ASIC2: variants seen among roughly 807,000 people sequenced by gnomAD.
ASIC2 encodes acid-sensing ion channel 2.
A neutral mutation model predicts 57.3 loss-of-function variants in ASIC2; 25 were observed. That is an observed-to-expected ratio of 0.44 (90% CI 0.32 to 0.61). The LOEUF is 0.61. Among genes scored for constraint, ASIC2 ranks in the 20% least tolerant of loss-of-function variants. ASIC2 has a pLI of 0.06. For synonymous variants in ASIC2, 319 were observed against 307.5 expected, an observed-to-expected ratio of 1.04 and a Z score of -0.39; for missense variants, 641 against 738.1, an observed-to-expected ratio of 0.87 and a Z score of 1.52.
intron 1 of ASIC2, among the ~76,000 whole-genome samples, chr17:33,245,996 G>A (rs1274397930): frequency 6.6e-6 from 1 of 151,040 alleles, no homozygotes; most frequent in Admixed American, 6.6e-5. Flanking sequence ...TCAACTGTCT[G>A]GGCAACATAG....
At chr17:33,989,697 G>T (rs1053388226) in intron 1 of ASIC2, among the ~76,000 whole-genome samples, 1 of 152,154 alleles carries the variant, frequency 6.6e-6, no homozygotes, top group African/African-American at 2.4e-5. Context: ...AGACTCAAAT[G>T]ACACTGTTGT....
At chr17:33,129,155 C>T (rs1461089891) in intron 1 of ASIC2, among the ~76,000 whole-genome samples, 1 of 152,230 alleles carries the variant, frequency 6.6e-6, no homozygotes, top group Non-Finnish European at 1.5e-5. Flanking sequence ...CTGTGTGGCC[C>T]TGCCCTATAG....
chr17:33,577,141 CAGTT>C (rs980070317), intron 1 of ASIC2, among the ~76,000 whole-genome samples: 5 of 152,142 alleles, frequency 3.3e-5, no homozygotes, highest in African/African-American at 4.8e-5. Context: ...ATGTTGAAGA[CAGTT>C]AGCCCTCTCT....
intron 1 of ASIC2, among the ~76,000 whole-genome samples, chr17:33,868,942 G>A (rs1223195843): frequency 2.6e-5 from 4 of 152,130 alleles, no homozygotes; most frequent in African/African-American, 9.7e-5. Context: ...GTGCATGCCT[G>A]TAGTCCCAGC....
chr17:33,789,504 G>A (rs933165702), intron 1 of ASIC2, among the ~76,000 whole-genome samples: 3 of 111,838 alleles, frequency 2.7e-5, no homozygotes, highest in South Asian at 3.1e-4. Flanking sequence ...ACACACACAC[G>A]TGCAGCATTT....
intron 1 of ASIC2, among the ~76,000 whole-genome samples, chr17:33,228,188 G>A (rs1353795331): frequency 6.6e-6 from 1 of 152,178 alleles, no homozygotes; most frequent in Non-Finnish European, 1.5e-5. Flanking sequence ...CAGATAGAAC[G>A]AGAGCTTAAT....
At chr17:33,603,342 C>T (rs1471358843) in intron 1 of ASIC2, among the ~76,000 whole-genome samples, 1 of 152,178 alleles carries the variant, frequency 6.6e-6, no homozygotes, top group Non-Finnish European at 1.5e-5. Flanking sequence ...GTGGCATGTG[C>T]TTACACACTG....
At chr17:33,815,177 C>A (rs1414847) in intron 1 of ASIC2, among the ~76,000 whole-genome samples, 39,995 of 152,012 alleles carry the variant, frequency 0.26, 7,565 homozygotes, top group African/African-American at 0.54. Flanking sequence ...CTTTAAATTT[C>A]TCAGTTTCCC....
Position 33,667,907 on chromosome 17 carries a change from C to G in ASIC2, c.555+488071G>C, listed in dbSNP as rs190469343. On this transcript the variant is annotated intron_variant, in intron 1 of 9. Coordinates refer to the ASIC2 transcript ENST00000359872. ...TTAAGGAAACCAAATGGCCTGTTGCCACACACAACCTCGTGACCATTATCG... is the reference window on the plus strand; with the variant it reads ...TTAAGGAAACCAAATGGCCTGTTGCGACACACAACCTCGTGACCATTATCG... Among the ~76,000 whole-genome samples, 1,459 of 152,248 alleles carry G rather than the reference C, an allele frequency of 9.6e-3. 25 individuals are homozygous for G. Among genetic ancestry groups the G allele is most frequent in the African/African-American group, 0.034 (1,413 of 41,524 alleles).
intron 1 of ASIC2, among the ~76,000 whole-genome samples, chr17:33,169,064 C>T (rs1905408984): frequency 6.6e-6 from 1 of 152,178 alleles, no homozygotes; most frequent in African/African-American, 2.4e-5. Context: ...GGGCGCTGTC[C>T]ATGGGTTCAC....
intron 1 of ASIC2, among the ~76,000 whole-genome samples, chr17:33,180,399 C>A (rs142675721): frequency 1.3e-5 from 2 of 152,184 alleles, no homozygotes; most frequent in African/African-American, 4.8e-5. Flanking sequence ...GCAGGAGGAG[C>A]GCCTTGTACT....
intron 1 of ASIC2, among the ~76,000 whole-genome samples, chr17:33,481,575 T>A (rs1913406044): frequency 6.6e-6 from 1 of 152,220 alleles, no homozygotes; most frequent in African/African-American, 2.4e-5. Flanking sequence ...CCTAAAACAG[T>A]ACTGAGCACA....
intron 1 of ASIC2, among the ~76,000 whole-genome samples, chr17:33,643,664 T>A (rs992441603): frequency 2.6e-5 from 4 of 152,230 alleles, no homozygotes; most frequent in African/African-American, 9.6e-5. Context: ...GCTCCCTTAC[T>A]TACTAATCAT....
chr17:33,189,684 G>A (rs1906337772), intron 1 of ASIC2, among the ~76,000 whole-genome samples: 1 of 152,090 alleles, frequency 6.6e-6, no homozygotes, highest in African/African-American at 2.4e-5. Flanking sequence ...AAGAATATGT[G>A]TATTACAGGT....
At chr17:33,953,230 T>C (rs1165977644) in intron 1 of ASIC2, among the ~76,000 whole-genome samples, 1 of 152,198 alleles carries the variant, frequency 6.6e-6, no homozygotes, top group African/African-American at 2.4e-5. Context: ...CGTGCACACA[T>C]ATTACACATT....
chr17:33,908,567 G>A lies in ASIC2; in HGVS notation c.555+247411C>T, dbSNP rs1290986273. ...GTTCCTGATTCCAGCCCTTGTGAGA[G>A]CTGGCAGTACTTCCTGCCCTTGAAA... is the stretch of plus-strand genomic sequence containing the variant. On this transcript the variant is annotated intron_variant, in intron 1 of 9. Transcript: ENST00000359872. Among the ~76,000 whole-genome samples the A allele has an allele frequency of 3.9e-5, 6 of 152,300 alleles. No individual in the cohort carries two copies. The East Asian group carries it at 9.7e-4, about 25-fold the overall frequency.
At chr17:33,705,644 C>T (rs1332883986) in intron 1 of ASIC2, among the ~76,000 whole-genome samples, 1 of 152,104 alleles carries the variant, frequency 6.6e-6, no homozygotes, top group Non-Finnish European at 1.5e-5. Flanking sequence ...CCCAGGAATG[C>T]CAGCAGCTAC....
chr17:34,049,957 A>G (rs1000425476), intron 1 of ASIC2, among the ~76,000 whole-genome samples: 6 of 152,186 alleles, frequency 3.9e-5, no homozygotes, highest in Admixed American at 1.3e-4. Context: ...TGAGTCCCCA[A>G]CTATTTCTGA....
chr17:33,798,205 G>A (rs1911976890), intron 1 of ASIC2, among the ~76,000 whole-genome samples: 2 of 152,184 alleles, frequency 1.3e-5, no homozygotes, highest in South Asian at 2.1e-4. Context: ...GGGCAAGAAA[G>A]TTGGGGCAGG....
Sources: allele counts gnomAD v4.1 joint callset (sites outside exome capture counted in the v4.1 genomes callset), GRCh38; gene constraint gnomAD v4.1.1; transcripts MANE v1.5; gene names NCBI Gene and HGNC (gene_info 2026-07-23, HGNC 2026-07-21).